The following PSD3 variants were observed in gnomAD, a reference collection of about 807,000 sequenced individuals.
PSD3 encodes the protein PH and SEC7 domain-containing protein 3.
PSD3 carries 49 observed loss-of-function variants against 105.5 expected under a neutral mutation model. The observed-to-expected ratio is 0.46, with a 90% CI of 0.37 to 0.59. The LOEUF is 0.59. PSD3 is among the 20% of genes least tolerant of loss of function. The pLI, the probability that PSD3 is intolerant of heterozygous loss-of-function variation, is 0.00. For synonymous variants in PSD3, 557 were observed against 457.8 expected (o/e 1.22, Z -2.77); for missense variants, 1,561 against 1,263.8 (o/e 1.24, Z -3.57).
chr8:18,991,379 C>CAT (rs1269450290), intron 1 of PSD3, among the ~76,000 whole-genome samples: 6 of 147,702 alleles, frequency 4.1e-5, no homozygotes, highest in Admixed American at 2.7e-4. Context: ...CACATACACA[C>CAT]ACACACACAC....
chr8:18,579,741 A>G (rs1802688808), intron 12 of PSD3, among the ~76,000 whole-genome samples: 1 of 152,222 alleles, frequency 6.6e-6, no homozygotes, highest in Non-Finnish European at 1.5e-5. Context: ...TTCAGGTAAT[A>G]TAAACTACAA....
intron 1 of PSD3, among the ~76,000 whole-genome samples, chr8:19,059,830 A>T (rs1230420466): frequency 6.6e-6 from 1 of 152,204 alleles, no homozygotes; most frequent in Non-Finnish European, 1.5e-5. Flanking sequence ...GGTGCCCTTC[A>T]GCTCTATCTG....
At position 18,865,267 on chromosome 8, in the gene PSD3, TATATATATATA is replaced by T. The variant is rs1563360431; in HGVS notation, c.1634+2396_1634+2406del. On this transcript the variant is annotated intron_variant, in intron 4 of 15. Transcript: ENST00000327040. ...ATATATATATATATATATATATATA[TATATATATATA>T]TATATATATTTTTTTTTTTTTTTTT... The T allele has an allele frequency of 4.8e-3, 28 of 5,894 alleles. 8 individuals carry two copies. The highest frequency in any genetic ancestry group is 9.6e-3 in the South Asian group (1 of 104). The allele number at this position is 5,894 out of a possible 1,614,324, so 0.4% of individuals were successfully genotyped here.
At chr8:18,600,487 G>A (rs1006469308) in intron 11 of PSD3, 53 bp from the exon 12 acceptor site, 5 of 1,376,120 alleles carry the variant, frequency 3.6e-6, no homozygotes, top group African/African-American at 1.5e-5. Flanking sequence ...ATTTTAGAAA[G>A]AGAATCTAAA....
intron 4 of PSD3, among the ~76,000 whole-genome samples, chr8:18,827,139 T>C (rs1299585953): frequency 6.6e-6 from 1 of 152,086 alleles, no homozygotes; most frequent in African/African-American, 2.4e-5. Context: ...AAGAGCAAAA[T>C]ACAGCTCCCT....
At position 18,752,504 on chromosome 8, in the gene PSD3, ATATATAATATATGTAATATATATAAT is replaced by A. The variant is rs1563224925; in HGVS notation, c.2172+12919_2172+12944del. On this transcript the variant is annotated intron_variant, in intron 9 of 15. Transcript: ENST00000327040. Reference sequence around the variant, plus strand: ...TTATTATATATATAATATATATAATATATATAATATATGTAATATATATAATTATATATTATATATATTATATATAA... The same window carrying A: ...TTATTATATATATAATATATATAATATATATATTATATATATTATATATAA... 2.8e-3 allele frequency among the ~76,000 whole-genome samples: 216 copies of A among 78,272 alleles called. 1 individual carries two copies. The highest frequency in any genetic ancestry group is 0.012 in the African/African-American group (210 of 17,394). The allele number at this position is 78,272 out of a possible 152,430, so 51.3% of individuals were successfully genotyped here.
At chr8:18,633,973 A>T (rs1316228786) in intron 10 of PSD3, among the ~76,000 whole-genome samples, 1 of 151,970 alleles carries the variant, frequency 6.6e-6, no homozygotes. Context: ...CTGGTGTCAG[A>T]TGGTATCTCA....
intron 9 of PSD3, among the ~76,000 whole-genome samples, chr8:18,657,119 T>C (rs1171381140): frequency 2.0e-5 from 3 of 152,190 alleles, no homozygotes; most frequent in African/African-American, 4.8e-5. Context: ...ATCTAACCTC[T>C]TGTCTTTCAA....
intron 9 of PSD3, among the ~76,000 whole-genome samples, chr8:18,665,794 T>TG (rs1442463912): frequency 2.6e-5 from 4 of 152,214 alleles, no homozygotes; most frequent in Non-Finnish European, 5.9e-5. Context: ...AAGGCTGCAG[T>TG]GAGCTGTGAT....
chr8:18,593,817 C>T (rs1464340687), intron 12 of PSD3, among the ~76,000 whole-genome samples: 3 of 151,722 alleles, frequency 2.0e-5, no homozygotes, highest in Non-Finnish European at 2.9e-5. Flanking sequence ...AGTTCATGTC[C>T]TTTGTAGGGA....
intron 11 of PSD3, among the ~76,000 whole-genome samples, chr8:18,625,383 G>A (rs558711162): frequency 6.6e-6 from 1 of 151,994 alleles, no homozygotes; most frequent in African/African-American, 2.4e-5. Context: ...ATGTCAACAT[G>A]GCCCTACTGT....
At chr8:18,910,801 T>C (rs970374074) in intron 2 of PSD3, among the ~76,000 whole-genome samples, 1 of 152,148 alleles carries the variant, frequency 6.6e-6, no homozygotes, top group Admixed American at 6.5e-5. Flanking sequence ...AGTTTTGTTT[T>C]GTTTTATTTT....
Position 18,642,815 on chromosome 8 carries a change from A to G in PSD3, c.2217-10009T>C, listed in dbSNP as rs188328814. ...CTCATTATCAAGAGAAATGCCACTT[A>G]GACATGAAGCAAACAATGTATTGTC... On this transcript the variant is annotated intron_variant, in intron 10 of 15. Coordinates refer to ENST00000327040, the MANE Select transcript of PSD3 (RefSeq NM_015310.4). 8.9e-4 allele frequency among the ~76,000 whole-genome samples: 135 copies of G among 152,382 alleles called. 1 individual carries two copies. Among genetic ancestry groups the G allele is most frequent in the African/African-American group, 3.1e-3 (127 of 41,598 alleles).
chr8:18,545,712 T>C (rs1800415402), intron 15 of PSD3, among the ~76,000 whole-genome samples: 1 of 152,204 alleles, frequency 6.6e-6, no homozygotes, highest in Admixed American at 6.5e-5. Flanking sequence ...AATCTTTTGG[T>C]TTACACTTTG....
chr8:18,840,780 T>A (rs1484967443), intron 4 of PSD3, among the ~76,000 whole-genome samples: 1 of 152,124 alleles, frequency 6.6e-6, no homozygotes, highest in Non-Finnish European at 1.5e-5. Context: ...GACAGCAGAT[T>A]CACAGACAGC....
At chr8:18,763,193 G>A (rs2410595) in intron 9 of PSD3, among the ~76,000 whole-genome samples, 10,393 of 152,188 alleles carry the variant, frequency 0.068, 468 homozygotes, top group East Asian at 0.12. Flanking sequence ...AGGTCAATAC[G>A]TAACAATAAA....
intron 12 of PSD3, among the ~76,000 whole-genome samples, chr8:18,576,842 C>A (rs997435583): frequency 6.6e-6 from 1 of 151,472 alleles, no homozygotes; most frequent in African/African-American, 2.4e-5. Context: ...CCCTAACACA[C>A]CTAATGATTG....
rs753582445 is a variant in PSD3, at chr8:18,575,228, C to A, written c.2539G>T (p.Val847Leu). ...GCCTTGGATGCCAATGCGTGGTGCA[C>A]ACTCACAGCGTTTTTCAAGTCCTCT... ...SEEDLKNAVS[V>L]HHALASKATD... is the part of the protein sequence containing the mutation. Residue 847 changes from valine (V) to leucine (L), a missense_variant, in exon 13 of 16, where the codon GTG becomes TTG. Transcript: ENST00000327040. The A allele has an allele frequency of 4.3e-6, 7 of 1,613,678 alleles. No homozygotes were observed. The Admixed American group carries it at 1.0e-4, about 23-fold the overall frequency.
chr8:19,040,351 C>T (rs539910086), intron 1 of PSD3, among the ~76,000 whole-genome samples: 15 of 152,188 alleles, frequency 9.9e-5, no homozygotes, highest in East Asian at 3.9e-4. Context: ...ACCACAGGCA[C>T]GCGCCACCAC....
Sources: allele counts gnomAD v4.1 joint callset (sites outside exome capture counted in the v4.1 genomes callset), GRCh38; gene constraint gnomAD v4.1.1; transcripts MANE v1.5; gene names NCBI Gene and HGNC (gene_info 2026-07-23, HGNC 2026-07-21).